Variants in CDK5RAP2 observed in about 807,000 individuals in gnomAD.
CDK5RAP2 encodes the protein CDK5 regulatory subunit-associated protein 2.
CDK5RAP2 carries 147 observed loss-of-function variants against 232.9 expected under a neutral mutation model. The observed-to-expected ratio is 0.63, with a 90% CI of 0.55 to 0.72. The LOEUF (loss-of-function observed/expected upper bound fraction) is 0.72. Ranked by LOEUF, CDK5RAP2 falls within the 30% of genes least tolerant of loss-of-function variation. CDK5RAP2 has a pLI of 0.00. For synonymous variants in CDK5RAP2, 833 were observed against 833.7 expected (o/e 1.00, Z 0.01); for missense variants, 2,195 against 2,231.5 (o/e 0.98, Z 0.33).
rs752051228 is a variant in CDK5RAP2, at chr9:120,437,461, G to A, written c.3789C>T (p.Gly1263=). ...LSLQRQQIKD[G]HGICVISRQH... is the part of the protein sequence containing the mutation. ...GACGGGAGATGACACAGATGCCATGGCCATCCTTAATCTGCTGCCGTTGAA... is the reference window on the plus strand; with the variant it reads ...GACGGGAGATGACACAGATGCCATGACCATCCTTAATCTGCTGCCGTTGAA... Residue 1263 remains glycine, a synonymous_variant, in exon 25 of 38, where the codon GGC becomes GGT. Coordinates refer to ENST00000349780, the MANE Select transcript of CDK5RAP2 (RefSeq NM_018249.6). 3.7e-6 allele frequency: 6 copies of A among 1,613,988 alleles called. No homozygotes were observed. In the South Asian group the frequency reaches 5.5e-5, roughly 15 times the overall value.
chr9:120,518,269 C>T (rs924812883), intron 12 of CDK5RAP2, among the ~76,000 whole-genome samples, 158 bp downstream of exon 12: 1 of 137,542 alleles, frequency 7.3e-6, no homozygotes, highest in Non-Finnish European at 1.5e-5. Flanking sequence ...GACTGAAATA[C>T]CAAATAGATC....
chr9:120,510,629 A>G (rs2131781576), intron 12 of CDK5RAP2, among the ~76,000 whole-genome samples: 1 of 152,316 alleles, frequency 6.6e-6, no homozygotes, highest in South Asian at 2.1e-4. Context: ...ACAATGTATC[A>G]AACTCAGATG....
At chr9:120,464,304 C>T (rs2037253761) in intron 18 of CDK5RAP2, among the ~76,000 whole-genome samples, 1 of 152,088 alleles carries the variant, frequency 6.6e-6, no homozygotes, top group African/African-American at 2.4e-5. Flanking sequence ...GTCTACAACT[C>T]CCTTGAGACT....
intron 12 of CDK5RAP2, among the ~76,000 whole-genome samples, chr9:120,493,745 C>T (rs553846318): frequency 1.9e-4 from 29 of 152,208 alleles, no homozygotes; most frequent in African/African-American, 6.7e-4. Context: ...GAACAAACAA[C>T]CCAACATATT....
rs376724297 is a variant in CDK5RAP2, at chr9:120,398,218, G to A, written c.5451+2524C>T. On this transcript the variant is annotated intron_variant, in intron 35 of 37. Transcript: ENST00000349780. ...TTTAATGGATGATAATACATCACAAGTTCATTCTGATATGTGCTATTCAAA... is the reference window on the plus strand; with the variant it reads ...TTTAATGGATGATAATACATCACAAATTCATTCTGATATGTGCTATTCAAA... Among the ~76,000 whole-genome samples, 25 of 152,208 alleles carry A rather than the reference G, an allele frequency of 1.6e-4. No homozygotes were observed. In the South Asian group the frequency reaches 5.0e-3, roughly 30 times the overall value.
At chr9:120,449,047 A>G (rs1036080289) in intron 21 of CDK5RAP2, among the ~76,000 whole-genome samples, 1 of 152,182 alleles carries the variant, frequency 6.6e-6, no homozygotes, top group African/African-American at 2.4e-5. Context: ...CAGTTCTATC[A>G]AGACAAAGGT....
intron 2 of CDK5RAP2, among the ~76,000 whole-genome samples, chr9:120,570,473 C>G (rs1424541042): frequency 6.6e-6 from 1 of 152,178 alleles, no homozygotes; most frequent in Non-Finnish European, 1.5e-5. Flanking sequence ...TTAACAGTAA[C>G]CACATTTGAG....
intron 25 of CDK5RAP2, among the ~76,000 whole-genome samples, chr9:120,435,470 TACACACACACACACACAC>T (rs55654634): frequency 6.8e-6 from 1 of 147,412 alleles, no homozygotes; most frequent in Non-Finnish European, 1.5e-5. Context: ...ATTACACATT[TACACACACACACACACAC>T]ACACACACAC....
Position 120,441,542 on chromosome 9 carries a change from G to A in CDK5RAP2, c.3149-1570C>T, listed in dbSNP as rs117542117. 1.8e-3 allele frequency among the ~76,000 whole-genome samples: 269 copies of A among 152,304 alleles called. 1 individual carries two copies. The highest frequency in any genetic ancestry group is 3.4e-3 in the Non-Finnish European group (230 of 68,030). On this transcript the variant is annotated intron_variant, in intron 23 of 37. Transcript: ENST00000349780. Reference sequence around the variant, plus strand: ...TGCCCTTCACCGGAGGCGTGCGTGCGAAGGCCAGCCTGGAAAAATGCTACA... The same window carrying A: ...TGCCCTTCACCGGAGGCGTGCGTGCAAAGGCCAGCCTGGAAAAATGCTACA...
At chr9:120,496,968 A>G (rs1157758266) in intron 12 of CDK5RAP2, among the ~76,000 whole-genome samples, 3 of 139,070 alleles carry the variant, frequency 2.2e-5, no homozygotes, top group African/African-American at 6.2e-5. Flanking sequence ...TGGAATGGAA[A>G]GGCGGGAAAG....
rs1179452810 is a variant in CDK5RAP2, at chr9:120,403,092, T to C, written c.5042-21A>G. On this transcript the variant is annotated intron_variant, in intron 33 of 37. Coordinates refer to ENST00000349780, the MANE Select transcript of CDK5RAP2 (RefSeq NM_018249.6). The surrounding 1 kb of genome is among the most constrained non-coding windows in gnomAD (Gnocchi z 4.2). ...TGAAACTGTAAAATGAGAAGTAGGA[T>C]GTAAAATCTGTTTCAGGTAACACTC... is the stretch of plus-strand genomic sequence containing the variant. 1 of 1,613,374 alleles carries C rather than the reference T, an allele frequency of 6.2e-7. No homozygotes were observed. Among genetic ancestry groups the C allele is most frequent in the East Asian group, 2.2e-5 (1 of 44,880 alleles).
At chr9:120,411,898 G>T (rs1437197974) in intron 28 of CDK5RAP2, among the ~76,000 whole-genome samples, 1 of 152,134 alleles carries the variant, frequency 6.6e-6, no homozygotes, top group Non-Finnish European at 1.5e-5. Context: ...TCAGGAGATG[G>T]TATCGCCACA....
chr9:120,540,384 A>T (rs2041581045), intron 5 of CDK5RAP2, among the ~76,000 whole-genome samples: 3 of 151,978 alleles, frequency 2.0e-5, no homozygotes, highest in Non-Finnish European at 4.4e-5. Flanking sequence ...GATACATAAA[A>T]TTTTTCCAAC....
At chr9:120,441,906 T>G (rs770883629) in intron 23 of CDK5RAP2, among the ~76,000 whole-genome samples, 5 of 152,202 alleles carry the variant, frequency 3.3e-5, no homozygotes, top group Admixed American at 6.5e-5. Flanking sequence ...CGACAGAGAA[T>G]GTACTCACCA....
intron 11 of CDK5RAP2, among the ~76,000 whole-genome samples, chr9:120,524,444 C>T (rs1365197431): frequency 1.3e-5 from 2 of 152,102 alleles, no homozygotes; most frequent in African/African-American, 2.4e-5. Context: ...AGTTCGAGAC[C>T]AGCCTGGCCA....
At chr9:120,477,795 C>T (rs1038948515) in intron 14 of CDK5RAP2, among the ~76,000 whole-genome samples, 1 of 152,206 alleles carries the variant, frequency 6.6e-6, no homozygotes, top group Non-Finnish European at 1.5e-5. Flanking sequence ...AAAAAAATAT[C>T]TTTCCATATT....
At chr9:120,521,645 T>G (rs1319299460) in intron 11 of CDK5RAP2, among the ~76,000 whole-genome samples, 1 of 124,998 alleles carries the variant, frequency 8.0e-6, no homozygotes, top group East Asian at 2.1e-4. Context: ...CCTCTTTTTC[T>G]TTTTTTTTTT....
At chr9:120,453,131 G>A (rs539303178) in intron 21 of CDK5RAP2, among the ~76,000 whole-genome samples, 1 of 152,324 alleles carries the variant, frequency 6.6e-6, no homozygotes, top group Admixed American at 6.5e-5. Flanking sequence ...ACATGAAAGA[G>A]ACAGCTACAG....
chr9:120,578,896 C>T (rs1351836013), intron 1 of CDK5RAP2, among the ~76,000 whole-genome samples: 1 of 152,128 alleles, frequency 6.6e-6, no homozygotes, highest in African/African-American at 2.4e-5. Flanking sequence ...CCAGTTAGCA[C>T]AATAAATAAC....
Sources: gnomAD v4.1 joint callset for allele counts (sites outside exome capture counted in the v4.1 genomes callset) on GRCh38, gnomAD v4.1.1 for gene constraint, Gnocchi (gnomAD v3.1) non-coding constraint, MANE v1.5 for transcripts, NCBI Gene and HGNC (gene_info 2026-07-23, HGNC 2026-07-21) for gene names.